Variants in SLC8A1 observed in about 807,000 individuals in gnomAD.
SLC8A1 encodes the protein solute carrier family 8 member A1, also known as sodium/calcium exchanger 1.
A neutral mutation model predicts 68.3 loss-of-function variants in SLC8A1; 18 were observed. The ratio of observed to expected loss-of-function variants is 0.26; its 90% CI spans 0.18 to 0.39. SLC8A1 has a LOEUF of 0.39. SLC8A1 is among the 10% of genes least tolerant of loss of function. The probability of loss-of-function intolerance (pLI) is 1.00; values close to 1 mark genes in which losing one functional copy is unlikely to be tolerated. For missense variants in SLC8A1, 985 were observed against 1,156.7 expected (o/e 0.85, Z 2.15); for synonymous variants, 475 against 415.5 (o/e 1.14, Z -1.74).
At chr2:40,284,092 T>C (rs1419969562) in intron 2 of SLC8A1, among the ~76,000 whole-genome samples, 3 of 152,108 alleles carry the variant, frequency 2.0e-5, no homozygotes, top group Non-Finnish European at 4.4e-5. Flanking sequence ...ACCTATTTCT[T>C]ATCTGTATAA....
At chr2:40,222,021 G>A (rs1427617661) in intron 2 of SLC8A1, among the ~76,000 whole-genome samples, 13 of 152,004 alleles carry the variant, frequency 8.6e-5, no homozygotes, top group Admixed American at 6.6e-4. Context: ...AAAAGCTACT[G>A]TAAATTTCAT....
chr2:40,311,676 A>T (rs2073702841), intron 2 of SLC8A1, among the ~76,000 whole-genome samples: 1 of 152,072 alleles, frequency 6.6e-6, no homozygotes, highest in African/African-American at 2.4e-5. Context: ...TTATATAAGG[A>T]TTTAGTTTCT....
chr2:40,160,421 CCTTGA>C (rs1282626717), intron 6 of SLC8A1, among the ~76,000 whole-genome samples: 2 of 152,062 alleles, frequency 1.3e-5, no homozygotes, highest in African/African-American at 4.8e-5. Flanking sequence ...TTTTTCTTGA[CCTTGA>C]CTTGGCCACC....
At chr2:40,410,013 G>C (rs1025823490) in intron 2 of SLC8A1, among the ~76,000 whole-genome samples, 1 of 152,038 alleles carries the variant, frequency 6.6e-6, no homozygotes, top group African/African-American at 2.4e-5. Flanking sequence ...GGGAAAAAAA[G>C]GGGGAGGGGA....
At chr2:40,417,690 G>C (rs142972439) in intron 2 of SLC8A1, among the ~76,000 whole-genome samples, 3 of 152,070 alleles carry the variant, frequency 2.0e-5, no homozygotes, top group Non-Finnish European at 4.4e-5. Flanking sequence ...TTAAACCCAG[G>C]CTAGTATGGC....
chr2:40,127,857 C>A (rs1212807220), intron 7 of SLC8A1, among the ~76,000 whole-genome samples: 1 of 152,086 alleles, frequency 6.6e-6, no homozygotes, highest in African/African-American at 2.4e-5. Context: ...TCCTTGAGTA[C>A]AAAATACAGG....
intron 2 of SLC8A1, among the ~76,000 whole-genome samples, chr2:40,265,526 T>C (rs1248229140): frequency 1.3e-5 from 2 of 152,302 alleles, no homozygotes; most frequent in Non-Finnish European, 1.5e-5. Context: ...ATAATAAAAC[T>C]GATGAGAAAG....
At chr2:40,190,198 CA>C (rs2051508083) in intron 2 of SLC8A1, among the ~76,000 whole-genome samples, 1 of 152,292 alleles carries the variant, frequency 6.6e-6, no homozygotes, top group East Asian at 1.9e-4. Flanking sequence ...AGTTTGTCAT[CA>C]AAATAGCATT....
At chr2:40,289,077 T>C (rs1559109056) in intron 2 of SLC8A1, among the ~76,000 whole-genome samples, 1 of 151,840 alleles carries the variant, frequency 6.6e-6, no homozygotes, top group African/African-American at 2.4e-5. Context: ...CTAAATGTAA[T>C]GCTAAAATAC....
intron 1 of SLC8A1, among the ~76,000 whole-genome samples, chr2:40,467,028 G>C (rs1449075629): frequency 6.7e-6 from 1 of 149,804 alleles, no homozygotes; most frequent in African/African-American, 2.5e-5. Flanking sequence ...AGCTTTAAAA[G>C]ATGGATTAAT....
intron 7 of SLC8A1, among the ~76,000 whole-genome samples, chr2:40,124,999 A>G (rs2037760479): frequency 2.0e-5 from 3 of 152,244 alleles, no homozygotes; most frequent in Admixed American, 2.0e-4. Flanking sequence ...GGCTGAATGT[A>G]GATGGTGGTG....
intron 7 of SLC8A1, chr2:40,123,396 C>T (rs1020469983): frequency 1.1e-4 from 16 of 152,240 alleles, no homozygotes; most frequent in Non-Finnish European, 2.4e-4. Context: ...TCATGAAAGA[C>T]TCCTTATTCT....
intron 2 of SLC8A1, among the ~76,000 whole-genome samples, chr2:40,369,897 T>C (rs1364690216): frequency 6.6e-6 from 1 of 152,014 alleles, no homozygotes; most frequent in African/African-American, 2.4e-5. Flanking sequence ...AAAAAACTGC[T>C]TAAATACACT....
chr2:40,463,031 T>C (rs1416110799), intron 1 of SLC8A1, among the ~76,000 whole-genome samples: 3 of 152,262 alleles, frequency 2.0e-5, no homozygotes, highest in East Asian at 3.9e-4. Context: ...AATGGGGCTT[T>C]CATCGTGGGG....
intron 2 of SLC8A1, among the ~76,000 whole-genome samples, chr2:40,426,139 A>C (rs1478120302): frequency 6.6e-6 from 1 of 152,032 alleles, no homozygotes; most frequent in African/African-American, 2.4e-5. Context: ...AATCTCTTCA[A>C]AATTAAAAAT....
At chr2:40,139,653 A>T (rs2041181632) in exon 7 of SLC8A1, 2 of 1,613,868 alleles carry the variant, frequency 1.2e-6, no homozygotes, top group South Asian at 1.1e-5. Context: ...TCTTCCCCAC[A>T]TTCATCGTCG....
intron 1 of SLC8A1, among the ~76,000 whole-genome samples, chr2:40,492,532 G>T (rs1282368128): frequency 2.0e-5 from 3 of 151,486 alleles, no homozygotes; most frequent in Non-Finnish European, 4.4e-5. Flanking sequence ...CACAGCAAAA[G>T]AAACTACCAT....
In SLC8A1 at chr2:40,422,637, T is replaced by C. The variant is rs147264623; in HGVS notation, c.1808+5836A>G. ...GAGAAAATGATGTGACAATAGCTAA[T>C]TGTCAATGGCTAAGGACTCCTCAAA... On this transcript the variant is annotated intron_variant, in intron 2 of 7. Transcript: ENST00000406785. Among the ~76,000 whole-genome samples, 33 of 152,212 alleles carry C rather than the reference T, an allele frequency of 2.2e-4. No homozygotes were observed. The East Asian group carries it at 5.0e-3, about 23-fold the overall frequency.
At chr2:40,361,887 CTTTTTTTTTTTTTT>C (rs1172909749) in intron 2 of SLC8A1, among the ~76,000 whole-genome samples, 11 of 53,100 alleles carry the variant, frequency 2.1e-4, no homozygotes, top group African/African-American at 2.7e-4. Flanking sequence ...CTTTTCTTTC[CTTTTTTTTTTTTTT>C]TTTTTTTTTT....
Sources: gnomAD v4.1 joint callset for allele counts (sites outside exome capture counted in the v4.1 genomes callset) on GRCh38, gnomAD v4.1.1 for gene constraint, MANE v1.5 for transcripts, NCBI Gene and HGNC (gene_info 2026-07-23, HGNC 2026-07-21) for gene names.